The following ARHGAP25 variants were observed in gnomAD, a reference collection of about 807,000 sequenced individuals.
The protein encoded by ARHGAP25 is rho GTPase-activating protein 25.
In ARHGAP25, 34 loss-of-function variants were observed where a neutral mutation model predicts 71.0. That is an observed-to-expected ratio of 0.48 (90% CI 0.36 to 0.64). ARHGAP25 has a LOEUF of 0.64. ARHGAP25 is among the 30% of genes least tolerant of loss of function. The pLI, the probability that ARHGAP25 is intolerant of heterozygous loss-of-function variation, is 0.00. For missense variants in ARHGAP25, 706 were observed against 805.1 expected (o/e 0.88, Z 1.49); for synonymous variants, 282 against 296.5 (o/e 0.95, Z 0.50).
At chr2:68,794,364 C>T (rs559094182) in intron 4 of ARHGAP25, among the ~76,000 whole-genome samples, 147 of 152,242 alleles carry the variant, frequency 9.7e-4, no homozygotes, top group African/African-American at 3.4e-3. Flanking sequence ...AGAGGGAATA[C>T]TTTTGACTTT....
chr2:68,802,097 G>C (rs2104431662), intron 4 of ARHGAP25, among the ~76,000 whole-genome samples: 1 of 152,242 alleles, frequency 6.6e-6, no homozygotes, highest in East Asian at 1.9e-4. Context: ...TAGGGAGCTT[G>C]TTTAAAGCAT....
intron 1 of ARHGAP25, among the ~76,000 whole-genome samples, chr2:68,763,248 A>G (rs1333456761): frequency 6.6e-6 from 1 of 152,254 alleles, no homozygotes. Flanking sequence ...GAAAATTTTC[A>G]TAAACTTCAC....
intron 5 of ARHGAP25, among the ~76,000 whole-genome samples, chr2:68,810,657 T>C (rs1440723828): frequency 6.6e-6 from 1 of 152,156 alleles, no homozygotes; most frequent in Non-Finnish European, 1.5e-5. Context: ...CTGATTAAAC[T>C]GTCTAGGTGT....
intron 1 of ARHGAP25, among the ~76,000 whole-genome samples, chr2:68,744,345 C>T (rs1272786318): frequency 6.6e-6 from 1 of 152,198 alleles, no homozygotes; most frequent in African/African-American, 2.4e-5. Flanking sequence ...TACCCAGGTA[C>T]AATTAGTCCC....
intron 1 of ARHGAP25, among the ~76,000 whole-genome samples, chr2:68,771,734 A>G (rs539720590): frequency 9.2e-5 from 14 of 152,290 alleles, no homozygotes; most frequent in Admixed American, 5.2e-4. Flanking sequence ...AGCAGTGTGG[A>G]ACTTTGTACT....
chr2:68,751,892 A>T (rs1676199604), intron 1 of ARHGAP25, among the ~76,000 whole-genome samples: 1 of 152,126 alleles, frequency 6.6e-6, no homozygotes, highest in East Asian at 1.9e-4. Context: ...GTTCATTGCG[A>T]GGTGTAAACT....
intron 5 of ARHGAP25, among the ~76,000 whole-genome samples, chr2:68,811,533 T>C (rs911118703): frequency 2.0e-5 from 3 of 152,188 alleles, no homozygotes; most frequent in African/African-American, 7.2e-5. Flanking sequence ...AGAATCCCCA[T>C]GTTAAATGAA....
chr2:68,817,135 A>G (rs941759706), intron 7 of ARHGAP25, among the ~76,000 whole-genome samples: 3 of 152,176 alleles, frequency 2.0e-5, no homozygotes, highest in East Asian at 3.8e-4. Flanking sequence ...ATGTTTTATT[A>G]TGAGCATTTC....
At position 68,767,070 on chromosome 2, in the gene ARHGAP25, A is replaced by G. The variant is rs1179053025; in HGVS notation, c.62-8151A>G. On this transcript the variant is annotated intron_variant, in intron 1 of 10. Coordinates refer to ENST00000409202, the MANE Select transcript of ARHGAP25 (RefSeq NM_001007231.3). This position sits in a 1 kb window ranked among gnomAD's most constrained non-coding sequence, Gnocchi z 4.6. ...TAGGGAACAACTTTTAGATATTTCTATGAATTCGGTTATACAAATTTGTCT... is the reference window on the plus strand; with the variant it reads ...TAGGGAACAACTTTTAGATATTTCTGTGAATTCGGTTATACAAATTTGTCT... 6.6e-6 allele frequency among the ~76,000 whole-genome samples: 1 copy of G among 152,226 alleles called. No individual in the cohort carries two copies. Among genetic ancestry groups the G allele is most frequent in the African/African-American group, 2.4e-5 (1 of 41,450 alleles).
intron 1 of ARHGAP25, among the ~76,000 whole-genome samples, chr2:68,741,410 A>G (rs921146614): frequency 3.9e-5 from 6 of 152,192 alleles, no homozygotes; most frequent in Admixed American, 2.0e-4. Context: ...CAGGAGTGCA[A>G]CTTACTGTGT....
chr2:68,816,440 C>A (rs1281579524), intron 7 of ARHGAP25, 78 bp downstream of exon 7: 5 of 1,172,340 alleles, frequency 4.3e-6, no homozygotes, highest in Admixed American at 1.8e-5. Flanking sequence ...GGAGGGACCA[C>A]GTCTGTGAAC....
chr2:68,813,829 C>T (rs1298271143), intron 6 of ARHGAP25, among the ~76,000 whole-genome samples: 3 of 152,140 alleles, frequency 2.0e-5, no homozygotes, highest in Non-Finnish European at 4.4e-5. Context: ...ATGCATGTGC[C>T]AGGGAGAAGA....
intron 3 of ARHGAP25, among the ~76,000 whole-genome samples, chr2:68,783,672 G>A (rs1386278171): frequency 2.6e-5 from 4 of 151,970 alleles, no homozygotes; most frequent in South Asian, 2.1e-4. Flanking sequence ...CATGTTGGCC[G>A]GGCTGCTCTC....
intron 1 of ARHGAP25, among the ~76,000 whole-genome samples, chr2:68,751,809 G>A (rs1676193324): frequency 1.3e-5 from 2 of 152,338 alleles, no homozygotes; most frequent in African/African-American, 2.4e-5. Context: ...CAATCCAAGA[G>A]CGACAGCTAA....
At chr2:68,731,445 C>A (rs1387647028), upstream of ARHGAP25, among the ~76,000 whole-genome samples, 1 of 152,052 alleles carries the variant, frequency 6.6e-6, no homozygotes, top group African/African-American at 2.4e-5. Flanking sequence ...CACTCTTCCT[C>A]TCTCTTAGAT....
At chr2:68,737,279 G>A (rs1179854490) in intron 1 of ARHGAP25, among the ~76,000 whole-genome samples, 1 of 152,202 alleles carries the variant, frequency 6.6e-6, no homozygotes, top group African/African-American at 2.4e-5. Context: ...AGGTGTAACT[G>A]TAGGAACTGG....
In ARHGAP25 at chr2:68,792,367, A is replaced by G. The variant is rs111987605; in HGVS notation, c.466+4411A>G. The stretch of plus-strand genomic sequence containing the variant: ...AGGGTACCCATCATCCAGATAACAC[A>G]TATTGTACCTATTAAGTGATTTCTC... On this transcript the variant is annotated intron_variant, in intron 4 of 10. Transcript: ENST00000409202. 6.2e-3 allele frequency among the ~76,000 whole-genome samples: 942 copies of G among 152,248 alleles called. 12 individuals carry two copies. The highest frequency in any genetic ancestry group is 0.021 in the African/African-American group (884 of 41,538).
At chr2:68,733,698 T>G (rs1463065970), upstream of ARHGAP25, among the ~76,000 whole-genome samples, 1 of 152,132 alleles carries the variant, frequency 6.6e-6, no homozygotes, top group Non-Finnish European at 1.5e-5. Context: ...TCAGTTACAT[T>G]GATTTTCTCA....
chr2:68,760,560 A>G, intron 1 of ARHGAP25, among the ~76,000 whole-genome samples: 1 of 152,074 alleles, frequency 6.6e-6, no homozygotes, highest in East Asian at 1.9e-4. Context: ...TGAAAAGAAA[A>G]TTAAGAGAAT....
Sources: gnomAD v4.1 joint callset for allele counts (sites outside exome capture counted in the v4.1 genomes callset) on GRCh38, gnomAD v4.1.1 for gene constraint, Gnocchi (gnomAD v3.1) non-coding constraint, MANE v1.5 for transcripts, NCBI Gene and HGNC (gene_info 2026-07-23, HGNC 2026-07-21) for gene names.